The following COL5A3 variants were observed in gnomAD, a reference collection of about 807,000 sequenced individuals.
COL5A3 encodes the protein collagen type V alpha 3 chain, also known as collagen alpha-3(V) chain.
A neutral mutation model predicts 250.0 loss-of-function variants in COL5A3; 172 were observed. The observed-to-expected ratio is 0.69, with a 90% confidence interval of 0.61 to 0.78. The LOEUF (loss-of-function observed/expected upper bound fraction) is 0.78. COL5A3 is among the 30% of genes least tolerant of loss of function. The probability of loss-of-function intolerance (pLI) is 0.00; values close to 1 mark genes in which losing one functional copy is unlikely to be tolerated. For missense variants in COL5A3, 2,340 were observed against 2,334.4 expected (o/e 1.00, Z -0.05); for synonymous variants, 937 against 900.4 (o/e 1.04, Z -0.73).
intron 62 of COL5A3, among the ~76,000 whole-genome samples, chr19:9,967,058 A>AGACAGAGACAGATAAGGGAGATG (rs1381894215): frequency 3.6e-5 from 4 of 112,326 alleles, no homozygotes; most frequent in Non-Finnish European, 8.1e-5. Flanking sequence ...GCGCCAGTAT[A>AGACAGAGACAGATAAGGGAGATG]GACAGAGACA....
At chr19:9,981,477 C>CA (rs1374992523) in intron 32 of COL5A3, among the ~76,000 whole-genome samples, 1 of 152,182 alleles carries the variant, frequency 6.6e-6, no homozygotes, top group Non-Finnish European at 1.5e-5. Context: ...CAGAACTCAT[C>CA]ATGCAATACA....
chr19:10,009,524 C>G lies in COL5A3; in HGVS notation c.88+774G>C, dbSNP rs998553321. ...GGAGCAACTTCCACTCCTGCCCCGC[C>G]CTGCGCCCCGCCCCGTCTCGCCCCT... On this transcript the variant is annotated intron_variant, in intron 1 of 66. Coordinates refer to ENST00000264828, the MANE Select transcript of COL5A3 (RefSeq NM_015719.4). This position sits in a 1 kb window ranked among gnomAD's most constrained non-coding sequence, Gnocchi z 4.4. 6.6e-6 allele frequency among the ~76,000 whole-genome samples: 1 copy of G among 152,038 alleles called. No homozygotes were observed. The highest frequency in any genetic ancestry group is 2.4e-5 in the African/African-American group (1 of 41,378).
At chr19:9,963,496 A>C (rs1052442492) in intron 64 of COL5A3, among the ~76,000 whole-genome samples, 1 of 139,954 alleles carries the variant, frequency 7.1e-6, no homozygotes, top group African/African-American at 2.7e-5. Context: ...AGTTCAAGCA[A>C]TCCTCTGACC....
At chr19:10,005,408 C>T (rs563168055) in intron 4 of COL5A3, 150 bp downstream of exon 4, 19 of 742,260 alleles carry the variant, frequency 2.6e-5, no homozygotes, top group East Asian at 2.1e-4. Context: ...CAGGCTGCAA[C>T]GGTGCACGAA....
At chr19:10,003,823 C>T in intron 5 of COL5A3, 109 bp from the exon 6 acceptor site, 1 of 1,433,658 alleles carries the variant, frequency 7.0e-7, no homozygotes. Context: ...TCACTCAGCC[C>T]TGTGACCTGG....
chr19:9,984,942 A>ATTTTTTTTTTTTTT (rs71188874), intron 31 of COL5A3, among the ~76,000 whole-genome samples: 28 of 83,008 alleles, frequency 3.4e-4, no homozygotes, highest in African/African-American at 1.3e-3. Flanking sequence ...CATCTGGCTA[A>ATTTTTTTTTTTTTT]TTTTTTTTTT....
rs979784823 is a variant in COL5A3, at chr19:9,970,777, C to T, written c.3883-102G>A. ...AGAGGACACCCTTCCCCAAGCCTCA[C>T]CCCAGCACCGGGTACTCCCACCTCC... On this transcript the variant is annotated intron_variant, in intron 53 of 66. Coordinates refer to ENST00000264828, the MANE Select transcript of COL5A3 (RefSeq NM_015719.4). 24 of 1,101,968 alleles carry T rather than the reference C, an allele frequency of 2.2e-5. No homozygotes were observed. The Admixed American group carries it at 3.0e-4, about 14-fold the overall frequency. 68.3% of individuals were successfully genotyped at this position (1,101,968 alleles called of 1,614,324 possible). A position where few individuals can be genotyped will look rare whatever the true frequency, so the allele number is the denominator to read the frequency against.
At chr19:9,972,789 T>C in intron 51 of COL5A3, 130 bp downstream of exon 51, 1 of 586,618 alleles carries the variant, frequency 1.7e-6, no homozygotes, top group African/African-American at 1.9e-5. Flanking sequence ...TGAGCTGAGA[T>C]CGTGCCACTG....
At chr19:9,965,565 T>C (rs557054956) in intron 64 of COL5A3, among the ~76,000 whole-genome samples, 1 of 150,964 alleles carries the variant, frequency 6.6e-6, no homozygotes, top group Non-Finnish European at 1.5e-5. Flanking sequence ...GTGATTCTGC[T>C]GCTTCAGCCC....
chr19:9,987,574 A>G lies in COL5A3; in HGVS notation c.2146-816T>C, dbSNP rs567343648. Among the ~76,000 whole-genome samples the G allele has an allele frequency of 4.4e-4, 64 of 146,252 alleles. 2 individuals are homozygous for G. The South Asian group carries it at 0.014, about 31-fold the overall frequency. On this transcript the variant is annotated intron_variant, in intron 27 of 66. Coordinates refer to ENST00000264828, the MANE Select transcript of COL5A3 (RefSeq NM_015719.4). Reference sequence around the variant, plus strand: ...CAACACAGGAAAACCTCATCTATACAAAAAGTACAAAAAAAAAAGAAAAAA... The same window carrying G: ...CAACACAGGAAAACCTCATCTATACGAAAAGTACAAAAAAAAAAGAAAAAA...
rs184783962 is a variant in COL5A3, at chr19:9,982,758, T to A, written c.2407-640A>T. On this transcript the variant is annotated intron_variant, in intron 31 of 66. Coordinates refer to ENST00000264828, the MANE Select transcript of COL5A3 (RefSeq NM_015719.4). ...GATCAGAAAAGACAGTTGCCCAAGT[T>A]ACACAGTCTGTGGTGGCATCCCGCC... is the stretch of plus-strand genomic sequence containing the variant. 1.6e-4 allele frequency among the ~76,000 whole-genome samples: 24 copies of A among 152,302 alleles called. No individual in the cohort carries two copies. The East Asian group carries it at 4.6e-3, about 29-fold the overall frequency.
intron 44 of COL5A3, among the ~76,000 whole-genome samples, 173 bp downstream of exon 44, chr19:9,977,056 A>C (rs1392548715): frequency 2.6e-5 from 4 of 152,008 alleles, no homozygotes; most frequent in African/African-American, 7.3e-5. Context: ...CTGTGGACCC[A>C]TCGCTCCAGG....
chr19:10,004,150 G>A lies in COL5A3; in HGVS notation c.595-5C>T, dbSNP rs373520088. 1 of 1,610,872 alleles carries A rather than the reference G, an allele frequency of 6.2e-7. No homozygotes were observed. The highest frequency in any genetic ancestry group is 1.3e-5 in the African/African-American group (1 of 74,960). On this transcript the variant is annotated splice_polypyrimidine_tract_variant and splice_region_variant and intron_variant, in intron 4 of 66. Transcript: ENST00000264828. The stretch of plus-strand genomic sequence containing the variant: ...CAGCAGCTCCTGAATGTCTCCCTGG[G>A]GGTTGGGGGTGTAGGAGTCAAGGAG...
chr19:9,992,865 G>A lies in COL5A3; in HGVS notation c.1810C>T (p.Leu604Phe), dbSNP rs1396353427. The A allele has an allele frequency of 1.9e-6, 3 of 1,614,036 alleles. No individual in the cohort carries two copies. The highest frequency in any genetic ancestry group is 1.7e-6 in the Non-Finnish European group (2 of 1,179,986). ...GGGCCAGGAGAGCCTCTGGGGCCAA[G>A]CAGTCCTCGTGGACCCTGCAAGGGA... ...QAGEPGPRGL[L>F]GPRGSPGPTG... is the part of the protein sequence containing the mutation. The change falls in exon 21 of 67, where the codon CTT becomes TTT. Residue 604 changes from leucine (L) to phenylalanine (F), a missense_variant. By Grantham distance (22) the Leu-to-Phe change is conservative (BLOSUM62 0). Coordinates refer to ENST00000264828, the MANE Select transcript of COL5A3 (RefSeq NM_015719.4).
chr19:9,966,912 G>C (rs560024591), intron 62 of COL5A3, among the ~76,000 whole-genome samples, 166 bp from the exon 63 acceptor site: 1 of 152,152 alleles, frequency 6.6e-6, no homozygotes, highest in African/African-American at 2.4e-5. Flanking sequence ...TAAGCAGACA[G>C]GGAGAGACAC....
chr19:9,974,384 G>A lies in COL5A3; in HGVS notation c.3367C>T (p.Arg1123Trp), dbSNP rs372055176. ...PPGADGAQGR[R>W]GPPGLFGQKG... The stretch of plus-strand genomic sequence containing the variant: ...TGCCCAAAGAGGCCTGGGGGTCCCC[G>A]GCGCCCCTGAGCCCCGTCTGCTCCC... Residue 1123 changes from arginine (R) to tryptophan (W), a missense_variant, in exon 46 of 67, where the codon CGG (arginine) becomes TGG (tryptophan). By Grantham distance (101) the Arg-to-Trp change is moderately radical. Transcript: ENST00000264828. 6.2e-6 allele frequency: 10 copies of A among 1,607,766 alleles called. No homozygotes were observed. Among genetic ancestry groups the A allele is most frequent in the African/African-American group, 2.7e-5 (2 of 74,720 alleles).
chr19:10,001,672 T>C lies in COL5A3; in HGVS notation c.964-2A>G, dbSNP rs1417086722. On this transcript the variant is annotated splice_acceptor_variant, in intron 7 of 66. Transcript: ENST00000264828. LOFTEE classifies it high-confidence loss of function. ...TCCACTGTCAGGGTCCAAGCTCCTC[T>C]GAGAACGTTAGGAAAGACCAAAGTT... 6.2e-7 allele frequency: 1 copy of C among 1,613,976 alleles called. No individual in the cohort carries two copies. The highest frequency in any genetic ancestry group is 1.1e-5 in the South Asian group (1 of 91,072).
At chr19:9,978,543 G>T in intron 41 of COL5A3, 31 bp downstream of exon 41, 1 of 1,493,588 alleles carries the variant, frequency 6.7e-7, no homozygotes, top group Non-Finnish European at 9.3e-7. Context: ...CCTCCACCCT[G>T]CCCCCACCCA....
At chr19:9,961,384 G>T (rs936265198) in intron 65 of COL5A3, among the ~76,000 whole-genome samples, 4 of 151,942 alleles carry the variant, frequency 2.6e-5, no homozygotes. Flanking sequence ...GGGGGGTAAG[G>T]GTTGGGATCT....
Sources: allele counts gnomAD v4.1 joint callset (sites outside exome capture counted in the v4.1 genomes callset), GRCh38; gene constraint gnomAD v4.1.1; non-coding constraint Gnocchi (gnomAD v3.1); transcripts MANE v1.5; gene names NCBI Gene and HGNC (gene_info 2026-07-23, HGNC 2026-07-21).